NMU: variants seen among roughly 807,000 people sequenced by gnomAD.
NMU encodes the protein neuromedin-U.
Under a neutral mutation model 35.4 loss-of-function variants are expected in NMU, and 29 were observed. The ratio of observed to expected loss-of-function variants is 0.82; its 90% CI spans 0.61 to 1.12. The LOEUF is 1.12. Ranked by LOEUF, NMU falls within the 50% of genes most tolerant of loss-of-function variation. The pLI, the probability that NMU is intolerant of heterozygous loss-of-function variation, is 0.00. For missense variants in NMU, 199 were observed against 206.2 expected, an observed-to-expected ratio of 0.97 and a Z score of 0.21; for synonymous variants, 78 against 81.3, an observed-to-expected ratio of 0.96 and a Z score of 0.22.
At chr4:55,619,629 G>C (rs1164838011) in intron 2 of NMU, among the ~76,000 whole-genome samples, 1 of 105,258 alleles carries the variant, frequency 9.5e-6, no homozygotes, top group African/African-American at 3.4e-5. Flanking sequence ...GGTAAACAAA[G>C]CAGCCGGGAA....
At chr4:55,635,908 C>T (rs1396077865) in intron 1 of NMU, among the ~76,000 whole-genome samples, 173 bp downstream of exon 1, 1 of 152,204 alleles carries the variant, frequency 6.6e-6, no homozygotes, top group Non-Finnish European at 1.5e-5. Flanking sequence ...TCGCTAGTTG[C>T]CCTGGGGAGG....
At chr4:55,606,517 T>G (rs1319576123) in intron 6 of NMU, among the ~76,000 whole-genome samples, 1 of 152,232 alleles carries the variant, frequency 6.6e-6, no homozygotes, top group African/African-American at 2.4e-5. Flanking sequence ...TTTAATTACA[T>G]TTTTGACAAT....
In NMU at chr4:55,607,322, C is replaced by A; in HGVS notation, c.336G>T (p.Gln112His). The A allele has an allele frequency of 6.2e-7, 1 of 1,608,384 alleles. No homozygotes were observed. The highest frequency in any genetic ancestry group is 1.7e-5 in the Admixed American group (1 of 59,968). The change falls in exon 6 of 10, where the codon CAG becomes CAT. Residue 112 changes from glutamine (Q) to histidine (H), a missense_variant. Coordinates refer to ENST00000264218, the MANE Select transcript of NMU (RefSeq NM_006681.4). The part of the protein sequence containing the change: ...KRFLFHYSKT[Q>H]KLGKSNVVSS... ...CCACAACATTTGACTTGCCCAACTTCTGTGTCTTCGAATAATGAAATAAGA... is the reference window on the plus strand; with the variant it reads ...CCACAACATTTGACTTGCCCAACTTATGTGTCTTCGAATAATGAAATAAGA...
rs1330291592 is a variant in NMU, at chr4:55,636,092, C to G, written c.101G>C (p.Gly34Ala). 1 of 1,530,896 alleles carries G rather than the reference C, an allele frequency of 6.5e-7. No individual in the cohort carries two copies. The highest frequency in any genetic ancestry group is 1.2e-5 in the South Asian group (1 of 83,846). The allele number at this position is 1,530,896 out of a possible 1,614,324, so 94.8% of individuals were successfully genotyped here. A position where few individuals can be genotyped will look rare whatever the true frequency, so the allele number is the denominator to read the frequency against. The change falls in exon 1 of 10, where the codon GGC becomes GCC. Residue 34 changes from glycine to alanine, a missense_variant. Physicochemically the swap from Gly to Ala is moderately conservative, Grantham distance 60. Transcript: ENST00000264218. This position sits in a 1 kb window ranked among gnomAD's most constrained non-coding sequence, Gnocchi z 4.0. Reference sequence around the variant, plus strand: ...CGGGGCCGTCTTACCTCGGCAGGCGCCCGCGCACCAGGCGAGCAGCAGCAG... The same window carrying G: ...CGGGGCCGTCTTACCTCGGCAGGCGGCCGCGCACCAGGCGAGCAGCAGCAG... The part of the protein sequence containing the change: ...LLLLLLAWCA[G>A]ACRGAPILPQ...
Position 55,636,098 on chromosome 4 carries a change from C to T in NMU, c.95G>A (p.Cys32Tyr), listed in dbSNP as rs1444889435. The T allele has an allele frequency of 2.6e-6, 4 of 1,530,720 alleles. No homozygotes were observed. Among genetic ancestry groups the T allele is most frequent in the African/African-American group, 2.8e-5 (2 of 72,200 alleles). 94.8% of individuals were successfully genotyped at this position (1,530,720 alleles called of 1,614,324 possible). A position where few individuals can be genotyped will look rare whatever the true frequency, so the allele number is the denominator to read the frequency against. ...CGTCTTACCTCGGCAGGCGCCCGCG[C>T]ACCAGGCGAGCAGCAGCAGCAGCAG... ...LLLLLLLLAW[C>Y]AGACRGAPIL... The change falls in exon 1 of 10, where the codon TGC (cysteine) becomes TAC (tyrosine). Residue 32 changes from cysteine to tyrosine, a missense_variant. Cys to Tyr is a radical substitution (Grantham distance 194). Transcript: ENST00000264218. The surrounding 1 kb of genome is among the most constrained non-coding windows in gnomAD (Gnocchi z 4.0).
At chr4:55,615,459 G>A (rs752412217) in intron 3 of NMU, among the ~76,000 whole-genome samples, 1 of 152,228 alleles carries the variant, frequency 6.6e-6, no homozygotes, top group East Asian at 1.9e-4. Context: ...TAGCAAACAC[G>A]CTTGATATCA....
chr4:55,599,876 G>A (rs1180768158), intron 8 of NMU, among the ~76,000 whole-genome samples: 1 of 152,080 alleles, frequency 6.6e-6, no homozygotes, highest in East Asian at 1.9e-4. Context: ...AATTCCTAGA[G>A]CATAGGAATG....
intron 7 of NMU, among the ~76,000 whole-genome samples, chr4:55,601,107 A>G (rs186232899): frequency 1.5e-4 from 23 of 152,238 alleles, no homozygotes; most frequent in Non-Finnish European, 3.2e-4. Context: ...TTCCTAATAT[A>G]ATTATATGTG....
chr4:55,632,652 A>G (rs545761703), intron 1 of NMU, among the ~76,000 whole-genome samples: 10 of 152,194 alleles, frequency 6.6e-5, no homozygotes, highest in Admixed American at 2.0e-4. Context: ...TCAAATTTCC[A>G]TATAAAACAC....
chr4:55,634,507 A>G (rs1176491632), intron 1 of NMU, among the ~76,000 whole-genome samples: 2 of 152,202 alleles, frequency 1.3e-5, no homozygotes, highest in East Asian at 1.9e-4. Flanking sequence ...TTCTACAGTT[A>G]CTGTTCAATC....
At chr4:55,609,241 G>C in intron 3 of NMU, 62 bp from the exon 4 acceptor site, 1 of 1,282,022 alleles carries the variant, frequency 7.8e-7, no homozygotes, top group Non-Finnish European at 1.1e-6. Context: ...ACATAGAAGA[G>C]GTAACTACAA....
intron 2 of NMU, among the ~76,000 whole-genome samples, chr4:55,626,072 G>C (rs1354003820): frequency 2.6e-5 from 4 of 152,174 alleles, no homozygotes; most frequent in African/African-American, 9.7e-5. Flanking sequence ...TTGTTTTCCA[G>C]ATGGCTCTAC....
chr4:55,614,949 C>A (rs775683522), intron 3 of NMU, among the ~76,000 whole-genome samples: 2 of 152,098 alleles, frequency 1.3e-5, no homozygotes, highest in African/African-American at 4.8e-5. Context: ...CTCAAATTTC[C>A]AGCAGGTACC....
At chr4:55,600,241 C>T (rs1020358515) in intron 8 of NMU, among the ~76,000 whole-genome samples, 1 of 152,052 alleles carries the variant, frequency 6.6e-6, no homozygotes, top group African/African-American at 2.4e-5. Flanking sequence ...AAGACAGTTA[C>T]TTTCTATACA....
At chr4:55,605,223 A>C in intron 7 of NMU, 52 bp downstream of exon 7, 1 of 1,211,644 alleles carries the variant, frequency 8.3e-7, no homozygotes, top group East Asian at 2.3e-5. Context: ...ATTAACAGAA[A>C]GGGCTGCCCC....
chr4:55,599,286 T>C, intron 8 of NMU, 105 bp from the exon 9 acceptor site: 1 of 895,358 alleles, frequency 1.1e-6, no homozygotes, highest in South Asian at 1.3e-5. Flanking sequence ...TGCATCACAA[T>C]CATCTAGAGG....
At position 55,636,073 on chromosome 4, in the gene NMU, C is replaced by G; in HGVS notation, c.112+8G>C. The G allele has an allele frequency of 6.5e-7, 1 of 1,531,194 alleles. No individual in the cohort carries two copies. Among genetic ancestry groups the G allele is most frequent in the African/African-American group, 1.4e-5 (1 of 72,326 alleles). 94.9% of individuals were successfully genotyped at this position (1,531,194 alleles called of 1,614,324 possible). On this transcript the variant is annotated splice_region_variant and intron_variant, in intron 1 of 9. Coordinates refer to ENST00000264218, the MANE Select transcript of NMU (RefSeq NM_006681.4). This position sits in a 1 kb window ranked among gnomAD's most constrained non-coding sequence, Gnocchi z 4.0. ...GCGTGGAAGCGGCCGGGTGCGGGGC[C>G]GTCTTACCTCGGCAGGCGCCCGCGC...
At chr4:55,616,285 T>A (rs2110200322) in intron 3 of NMU, 53 bp downstream of exon 3, 6 of 1,302,404 alleles carry the variant, frequency 4.6e-6, no homozygotes. Flanking sequence ...ATGGAGAGTT[T>A]AAGCACTACA....
intron 8 of NMU, 70 bp downstream of exon 8, chr4:55,600,452 T>G (rs760887735): frequency 6.8e-6 from 7 of 1,029,110 alleles, no homozygotes; most frequent in Non-Finnish European, 9.1e-6. Context: ...ATGTAAAAGT[T>G]AAATACACAG....
Sources: gnomAD v4.1 joint callset for allele counts (sites outside exome capture counted in the v4.1 genomes callset) on GRCh38, gnomAD v4.1.1 for gene constraint, Gnocchi (gnomAD v3.1) non-coding constraint, MANE v1.5 for transcripts, NCBI Gene and HGNC (gene_info 2026-07-23, HGNC 2026-07-21) for gene names.